Variants in QTMAN observed in about 807,000 individuals in gnomAD.
QTMAN encodes tRNA-queuosine alpha-mannosyltransferase.
At chr2:144,111,549 G>A in the QTMAN span, among the ~76,000 whole-genome samples, 1 of 152,148 alleles carries the variant, frequency 6.6e-6, no homozygotes, top group East Asian at 1.9e-4. Context: ...CCACTGGTCT[G>A]AACACTGACA....
At chr2:144,223,675 T>C in the QTMAN span, among the ~76,000 whole-genome samples, 1 of 152,172 alleles carries the variant, frequency 6.6e-6, no homozygotes, top group Non-Finnish European at 1.5e-5. Flanking sequence ...TAGAAAAATA[T>C]CCAAGTGAAA....
At chr2:144,217,720 A>G in the QTMAN span, among the ~76,000 whole-genome samples, 1 of 152,124 alleles carries the variant, frequency 6.6e-6, no homozygotes, top group African/African-American at 2.4e-5. Flanking sequence ...TGATAGAATA[A>G]TAGGTCTTAA....
At chr2:144,304,609 A>T in the QTMAN span, among the ~76,000 whole-genome samples, 1 of 152,356 alleles carries the variant, frequency 6.6e-6, no homozygotes, top group Admixed American at 6.5e-5. Flanking sequence ...TTGACAATGT[A>T]TTTAATAATT....
At chr2:144,005,900 T>TG in the QTMAN span, 1 of 152,070 alleles carries the variant, frequency 6.6e-6, no homozygotes, top group Admixed American at 6.6e-5. Flanking sequence ...CATGATACCC[T>TG]GGAACCAACT....
the QTMAN span, among the ~76,000 whole-genome samples, chr2:144,328,866 C>T: frequency 1.3e-5 from 2 of 152,186 alleles, no homozygotes; most frequent in Admixed American, 1.3e-4. Flanking sequence ...ATTGGCTCTG[C>T]ATCTGCTCAG....
chr2:144,003,672 A>G, the QTMAN span, among the ~76,000 whole-genome samples: 1 of 152,054 alleles, frequency 6.6e-6, no homozygotes, highest in Non-Finnish European at 1.5e-5. Flanking sequence ...AAGAATGAGG[A>G]GAGGGGCAAG....
chr2:144,301,578 T>C, the QTMAN span, among the ~76,000 whole-genome samples: 2 of 152,218 alleles, frequency 1.3e-5, no homozygotes, highest in Admixed American at 6.5e-5. Flanking sequence ...ATTTATTTCC[T>C]AAATAGCATT....
At chr2:144,212,507 G>T in the QTMAN span, among the ~76,000 whole-genome samples, 1 of 151,936 alleles carries the variant, frequency 6.6e-6, no homozygotes, top group Non-Finnish European at 1.5e-5. Context: ...AAGAATACCC[G>T]AATTAGGGAT....
At chr2:144,126,763 G>A in the QTMAN span, among the ~76,000 whole-genome samples, 1 of 151,884 alleles carries the variant, frequency 6.6e-6, no homozygotes, top group Non-Finnish European at 1.5e-5. Context: ...ATTAATACAG[G>A]CCACACAACT....
At chr2:144,091,843 C>A in the QTMAN span, among the ~76,000 whole-genome samples, 6 of 151,994 alleles carry the variant, frequency 3.9e-5, no homozygotes, top group Non-Finnish European at 8.8e-5. Flanking sequence ...ACATACTAAT[C>A]AGCAATAAAA....
chr2:144,029,064 A>T, the QTMAN span, among the ~76,000 whole-genome samples: 1 of 152,210 alleles, frequency 6.6e-6, no homozygotes, highest in Non-Finnish European at 1.5e-5. Context: ...GGCCAATATG[A>T]TAACCTAGCT....
the QTMAN span, among the ~76,000 whole-genome samples, chr2:144,133,436 A>T: frequency 2.3e-4 from 13 of 56,832 alleles, no homozygotes; most frequent in African/African-American, 7.6e-4. Flanking sequence ...ATAATATATA[A>T]TATATAATAT....
At chr2:144,066,975 C>T in the QTMAN span, among the ~76,000 whole-genome samples, 2 of 152,362 alleles carry the variant, frequency 1.3e-5, no homozygotes, top group African/African-American at 4.8e-5. Flanking sequence ...TATTTTCTCA[C>T]ACCCCACAAC....
chr2:144,277,135 CAT>C, the QTMAN span, among the ~76,000 whole-genome samples: 4 of 152,028 alleles, frequency 2.6e-5, no homozygotes, highest in Non-Finnish European at 4.4e-5. Flanking sequence ...GCTAGTACCA[CAT>C]GTTTAAATGA....
chr2:143,997,833 A>G, the QTMAN span, among the ~76,000 whole-genome samples: 1 of 151,938 alleles, frequency 6.6e-6, no homozygotes, highest in Non-Finnish European at 1.5e-5. Flanking sequence ...TGAATTTTGT[A>G]TTTTACCCAT....
At chr2:144,074,746 G>C in the QTMAN span, among the ~76,000 whole-genome samples, 1 of 152,134 alleles carries the variant, frequency 6.6e-6, no homozygotes, top group Non-Finnish European at 1.5e-5. Flanking sequence ...CACCAGGCTG[G>C]AGATCTTTTC....
At chr2:144,087,613 T>A in the QTMAN span, among the ~76,000 whole-genome samples, 3 of 152,024 alleles carry the variant, frequency 2.0e-5, no homozygotes, top group South Asian at 6.2e-4. Flanking sequence ...AAAGGATTTA[T>A]ACCTTCAAGA....
At chr2:144,077,631 G>A in the QTMAN span, among the ~76,000 whole-genome samples, 1 of 152,032 alleles carries the variant, frequency 6.6e-6, no homozygotes, top group Non-Finnish European at 1.5e-5. Context: ...TAATATATAT[G>A]TATGGTTGTG....
At chr2:144,055,342 C>T in the QTMAN span, among the ~76,000 whole-genome samples, 2 of 150,248 alleles carry the variant, frequency 1.3e-5, no homozygotes, top group Admixed American at 6.6e-5. Flanking sequence ...CAGACACACA[C>T]ACACACACAC....
Sources: allele counts gnomAD v4.1 joint callset (sites outside exome capture counted in the v4.1 genomes callset), GRCh38; gene constraint gnomAD v4.1.1; transcripts MANE v1.5; gene names NCBI Gene and HGNC (gene_info 2026-07-23, HGNC 2026-07-21).